ST3GAL3: variants seen among roughly 807,000 people sequenced by gnomAD.
The protein encoded by ST3GAL3 is CMP-N-acetylneuraminate-beta-1,4-galactoside alpha-2,3-sialyltransferase.
A neutral mutation model predicts 50.1 loss-of-function variants in ST3GAL3; 21 were observed. The observed-to-expected ratio is 0.42, with a 90% confidence interval of 0.30 to 0.60. ST3GAL3 has a LOEUF of 0.60. Ranked by LOEUF, ST3GAL3 falls within the 20% of genes least tolerant of loss-of-function variation. The pLI is 0.19. For synonymous variants in ST3GAL3, 183 were observed against 190.0 expected (o/e 0.96, Z 0.30); for missense variants, 353 against 489.4 (o/e 0.72, Z 2.63).
At chr1:43,784,289 A>T (rs1453180691) in intron 2 of ST3GAL3, among the ~76,000 whole-genome samples, 1 of 152,084 alleles carries the variant, frequency 6.6e-6, no homozygotes, top group East Asian at 1.9e-4. Context: ...TGGGTGGATC[A>T]TTTGAGGTCA....
chr1:43,898,016 G>C (rs1005677296), intron 6 of ST3GAL3, among the ~76,000 whole-genome samples: 1 of 152,146 alleles, frequency 6.6e-6, no homozygotes, highest in Non-Finnish European at 1.5e-5. Flanking sequence ...TTAGGGACGG[G>C]CTCCCGGCAG....
intron 5 of ST3GAL3, among the ~76,000 whole-genome samples, chr1:43,871,807 G>A (rs1178085917): frequency 5.4e-5 from 2 of 37,042 alleles, no homozygotes; most frequent in Admixed American, 2.9e-4. Flanking sequence ...AAGATGGGGT[G>A]TGAGGGAGAG....
intron 5 of ST3GAL3, among the ~76,000 whole-genome samples, chr1:43,891,190 C>G (rs905517535): frequency 6.6e-6 from 1 of 152,178 alleles, no homozygotes; most frequent in Non-Finnish European, 1.5e-5. Context: ...AGGACATTAT[C>G]AAAGATTACT....
At chr1:43,820,860 T>A (rs1010411324) in intron 4 of ST3GAL3, among the ~76,000 whole-genome samples, 2 of 152,194 alleles carry the variant, frequency 1.3e-5, no homozygotes, top group African/African-American at 4.8e-5. Context: ...TCTTACTAGC[T>A]CTAATCTGGA....
At chr1:43,724,839 C>A (rs1020074292) in intron 1 of ST3GAL3, among the ~76,000 whole-genome samples, 1 of 152,082 alleles carries the variant, frequency 6.6e-6, no homozygotes, top group African/African-American at 2.4e-5. Flanking sequence ...GGTCAAATTG[C>A]GGGAGGACTG....
chr1:43,713,979 A>G (rs1237904559), intron 1 of ST3GAL3, among the ~76,000 whole-genome samples: 2 of 152,156 alleles, frequency 1.3e-5, no homozygotes, highest in African/African-American at 4.8e-5. Context: ...AGAATGCCAT[A>G]CGGGCCGGGT....
In ST3GAL3 at chr1:43,899,608, T is replaced by G; in HGVS notation, c.625T>G (p.Tyr209Asp). The G allele has an allele frequency of 1.9e-6, 3 of 1,614,134 alleles. No individual in the cohort carries two copies. Among genetic ancestry groups the G allele is most frequent in the Non-Finnish European group, 2.5e-6 (3 of 1,180,036 alleles). ...CAGCAAAACGACACTGCGCATCACCTACCCCGAGGGCGCCATGCAGCGGCC... is the reference window on the plus strand; with the variant it reads ...CAGCAAAACGACACTGCGCATCACCGACCCCGAGGGCGCCATGCAGCGGCC... The part of the protein sequence containing the change: ...VGSKTTLRIT[Y>D]PEGAMQRPEQ... Residue 209 changes from tyrosine to aspartate, a missense_variant, in exon 9 of 12, where the codon TAC becomes GAC. Coordinates refer to ENST00000347631, the MANE Select transcript of ST3GAL3 (RefSeq NM_006279.5). The surrounding 1 kb of genome is among the most constrained non-coding windows in gnomAD (Gnocchi z 5.4).
intron 3 of ST3GAL3, among the ~76,000 whole-genome samples, chr1:43,807,417 AAAATAAAT>A (rs59894927): frequency 1.8e-4 from 25 of 142,614 alleles, no homozygotes; most frequent in Non-Finnish European, 2.4e-4. Context: ...CTCTGTCTCA[AAAATAAAT>A]AAATAAATAA....
intron 1 of ST3GAL3, among the ~76,000 whole-genome samples, chr1:43,729,972 C>T (rs1674902854): frequency 6.6e-6 from 1 of 152,230 alleles, no homozygotes; most frequent in African/African-American, 2.4e-5. Context: ...CCCACAGCCT[C>T]ACTTCTAGAA....
At chr1:43,784,915 CCTT>C (rs2057098793) in intron 2 of ST3GAL3, among the ~76,000 whole-genome samples, 2 of 152,220 alleles carry the variant, frequency 1.3e-5, no homozygotes, top group Admixed American at 6.5e-5. Context: ...ATTCTCACCT[CCTT>C]TGGCTTTCTC....
At chr1:43,772,256 CA>C (rs1695549534) in intron 2 of ST3GAL3, 2 of 366,410 alleles carry the variant, frequency 5.5e-6, no homozygotes, top group Admixed American at 4.6e-5. Flanking sequence ...CCATGTTGGT[CA>C]GGCTGGTCTT....
intron 2 of ST3GAL3, among the ~76,000 whole-genome samples, chr1:43,745,649 G>C (rs1219849784): frequency 6.6e-6 from 1 of 152,154 alleles, no homozygotes; most frequent in East Asian, 1.9e-4. Flanking sequence ...GATTGATTGA[G>C]ACAGAATCTC....
At chr1:43,773,542 G>T (rs1195417022) in intron 2 of ST3GAL3, among the ~76,000 whole-genome samples, 1 of 152,102 alleles carries the variant, frequency 6.6e-6, no homozygotes, top group African/African-American at 2.4e-5. Context: ...TTCCACATTT[G>T]TCCTATCTTT....
At chr1:43,736,158 A>G (rs1350985273) in intron 1 of ST3GAL3, 75 bp from the exon 2 acceptor site, 13 of 1,360,958 alleles carry the variant, frequency 9.6e-6, no homozygotes, top group Admixed American at 1.7e-5. Flanking sequence ...AATTCTCTCT[A>G]TAGATACTTT....
intron 5 of ST3GAL3, chr1:43,840,683 C>T (rs920037616): frequency 5.3e-5 from 8 of 152,076 alleles, no homozygotes; most frequent in African/African-American, 1.9e-4. Flanking sequence ...GTGATGTCTC[C>T]CCCGGATGCC....
chr1:43,755,847 C>T (rs1397585013), intron 2 of ST3GAL3, among the ~76,000 whole-genome samples: 1 of 151,994 alleles, frequency 6.6e-6, no homozygotes, highest in Non-Finnish European at 1.5e-5. Flanking sequence ...ACATTGGCTC[C>T]TAGTGCTTTG....
At chr1:43,893,881 C>T (rs2076993761) in intron 5 of ST3GAL3, among the ~76,000 whole-genome samples, 1 of 152,126 alleles carries the variant, frequency 6.6e-6, no homozygotes, top group Admixed American at 6.6e-5. Context: ...AGCTTTTAAC[C>T]TGCTTTGCCC....
chr1:43,810,197 A>C (rs1199970105), intron 3 of ST3GAL3, among the ~76,000 whole-genome samples: 5 of 152,020 alleles, frequency 3.3e-5, no homozygotes. Context: ...TGTGATTAAA[A>C]CCCACAGATC....
chr1:43,762,115 T>C (rs1004539938), intron 2 of ST3GAL3, among the ~76,000 whole-genome samples: 2 of 149,376 alleles, frequency 1.3e-5, no homozygotes, highest in Non-Finnish European at 3.0e-5. Context: ...AAAATAAAAA[T>C]GAAAAATCAG....
Sources: allele counts gnomAD v4.1 joint callset (sites outside exome capture counted in the v4.1 genomes callset), GRCh38; gene constraint gnomAD v4.1.1; non-coding constraint Gnocchi (gnomAD v3.1); transcripts MANE v1.5; gene names NCBI Gene and HGNC (gene_info 2026-07-23, HGNC 2026-07-21).